RSU1: variants seen among roughly 807,000 people sequenced by gnomAD.
RSU1 encodes rsu-1.
In RSU1, 26 loss-of-function variants were observed where a neutral mutation model predicts 31.1. The observed-to-expected ratio is 0.84, with a 90% confidence interval of 0.61 to 1.16. RSU1 has a LOEUF of 1.16. Ranked by LOEUF, RSU1 falls within the 50% of genes most tolerant of loss-of-function variation. RSU1 has a pLI of 0.00. For synonymous variants in RSU1, 164 were observed against 136.3 expected (o/e 1.20, Z -1.41); for missense variants, 320 against 339.1 (o/e 0.94, Z 0.44).
chr10:16,634,021 G>A (rs1834303398), intron 8 of RSU1, among the ~76,000 whole-genome samples: 1 of 152,190 alleles, frequency 6.6e-6, no homozygotes, highest in Non-Finnish European at 1.5e-5. Flanking sequence ...CGTTCAATCT[G>A]TCTTTTCCAG....
chr10:16,624,234 A>G (rs770894040), intron 8 of RSU1, among the ~76,000 whole-genome samples: 41 of 152,234 alleles, frequency 2.7e-4, no homozygotes, highest in Admixed American at 3.9e-4. Context: ...AAGTGTGAAC[A>G]GAGTCAACAA....
intron 2 of RSU1, among the ~76,000 whole-genome samples, chr10:16,783,744 C>T (rs1837709850): frequency 2.0e-5 from 3 of 151,910 alleles, no homozygotes; most frequent in Admixed American, 6.6e-5. Context: ...ACCTGTTTTC[C>T]CAGCTTGAAC....
chr10:16,655,552 T>C (rs1288370889), intron 8 of RSU1, among the ~76,000 whole-genome samples: 1 of 152,234 alleles, frequency 6.6e-6, no homozygotes, highest in Non-Finnish European at 1.5e-5. Flanking sequence ...ACAATTTGCA[T>C]ATGTATGCAG....
intron 4 of RSU1, among the ~76,000 whole-genome samples, chr10:16,761,119 A>G (rs1186409572): frequency 1.3e-5 from 2 of 151,828 alleles, no homozygotes; most frequent in Non-Finnish European, 2.9e-5. Flanking sequence ...ATTTTTGTAT[A>G]TTTAGTAGAG....
At chr10:16,787,561 CAT>C (rs1402102970) in intron 2 of RSU1, among the ~76,000 whole-genome samples, 2 of 152,192 alleles carry the variant, frequency 1.3e-5, no homozygotes, top group African/African-American at 4.8e-5. Context: ...ATAATCCCCA[CAT>C]GTCAAGGGCG....
chr10:16,727,516 G>A (rs1044447895), intron 7 of RSU1, among the ~76,000 whole-genome samples: 2 of 152,020 alleles, frequency 1.3e-5, no homozygotes, highest in South Asian at 4.2e-4. Flanking sequence ...AGGTAACAAC[G>A]GCTGGAATTT....
chr10:16,709,824 C>T (rs570959532), intron 7 of RSU1, among the ~76,000 whole-genome samples: 1 of 152,094 alleles, frequency 6.6e-6, no homozygotes, highest in Non-Finnish European at 1.5e-5. Context: ...ATATCCTTTG[C>T]CCACTTTTTG....
chr10:16,776,793 A>G (rs900770870), intron 3 of RSU1, among the ~76,000 whole-genome samples: 5 of 148,196 alleles, frequency 3.4e-5, no homozygotes, highest in African/African-American at 1.3e-4. Flanking sequence ...CTCAACACAC[A>G]TGGGTCACAA....
chr10:16,691,404 A>G (rs1835546916), intron 8 of RSU1, among the ~76,000 whole-genome samples: 1 of 144,542 alleles, frequency 6.9e-6, no homozygotes. Flanking sequence ...TTAATGATTA[A>G]GAGTTTGACT....
At chr10:16,627,776 A>G (rs1242466876) in intron 8 of RSU1, among the ~76,000 whole-genome samples, 2 of 151,864 alleles carry the variant, frequency 1.3e-5, no homozygotes, top group Non-Finnish European at 2.9e-5. Flanking sequence ...AAAAAAAAAA[A>G]AAAAAAGAAG....
chr10:16,697,956 C>A (rs987993483), intron 7 of RSU1, among the ~76,000 whole-genome samples: 1 of 129,916 alleles, frequency 7.7e-6, no homozygotes. Context: ...CTTTTAACAT[C>A]TGGTTCAGAG....
At chr10:16,651,562 GAC>G (rs1203821019) in intron 8 of RSU1, among the ~76,000 whole-genome samples, 3 of 152,202 alleles carry the variant, frequency 2.0e-5, no homozygotes, top group African/African-American at 7.2e-5. Context: ...AGCAAATAGT[GAC>G]AGTTTCTTTT....
chr10:16,683,611 C>G (rs966754032), intron 8 of RSU1, among the ~76,000 whole-genome samples: 1 of 152,044 alleles, frequency 6.6e-6, no homozygotes, highest in South Asian at 2.1e-4. Context: ...TGTTGAAGTC[C>G]TAACCTCCTA....
chr10:16,661,396 C>T (rs932775380), intron 8 of RSU1, among the ~76,000 whole-genome samples: 1 of 150,542 alleles, frequency 6.6e-6, no homozygotes, highest in Non-Finnish European at 1.5e-5. Context: ...TTTGTTAATG[C>T]TTTGCTCCAG....
rs556778361 is a variant in RSU1 at position 16,726,570 on chromosome 10, C to T, written c.598+25969G>A. ...GTGAGCCACTGCGCCCGGCCAAGAA[C>T]GTATCTTGAATGATGGTCACCAAAA... On this transcript the variant is annotated intron_variant, in intron 7 of 8. Coordinates refer to ENST00000345264, the MANE Select transcript of RSU1 (RefSeq NM_012425.4). Among the ~76,000 whole-genome samples, 8 of 152,140 alleles carry T rather than the reference C, an allele frequency of 5.3e-5. No individual in the cohort carries two copies. In the South Asian group the frequency reaches 8.3e-4, roughly 16 times the overall value.
chr10:16,736,664 G>C (rs1382511183), intron 7 of RSU1, among the ~76,000 whole-genome samples: 2 of 151,850 alleles, frequency 1.3e-5, no homozygotes. Context: ...CAGAAAACTA[G>C]ACATTCAGAG....
At chr10:16,803,340 G>C (rs1838197648) in intron 2 of RSU1, among the ~76,000 whole-genome samples, 1 of 152,138 alleles carries the variant, frequency 6.6e-6, no homozygotes, top group Non-Finnish European at 1.5e-5. Context: ...TTCAAAGCTA[G>C]TATGGAAGAA....
intron 8 of RSU1, among the ~76,000 whole-genome samples, chr10:16,635,455 C>T (rs896241887): frequency 1.3e-5 from 2 of 152,222 alleles, no homozygotes; most frequent in Non-Finnish European, 2.9e-5. Flanking sequence ...CCAAAGAGAA[C>T]TTCTGTCTGG....
rs1420530317 is a variant in RSU1 at position 16,817,168 on chromosome 10, G to A, written c.-3-84C>T. The A allele has an allele frequency of 6.3e-6, 6 of 953,196 alleles. No homozygotes were observed. The East Asian group carries it at 1.3e-4, about 21-fold the overall frequency. 59.0% of individuals were successfully genotyped at this position (953,196 alleles called of 1,614,324 possible). A position where few individuals can be genotyped will look rare whatever the true frequency, so the allele number is the denominator to read the frequency against. On this transcript the variant is annotated intron_variant, in intron 1 of 8. Transcript: ENST00000345264. ...CAAGAGGCCTTCGCTGCCACTCTGA[G>A]GCTTCCCCAGGGTTGGAGCGGGTGG...
Sources: allele counts gnomAD v4.1 joint callset (sites outside exome capture counted in the v4.1 genomes callset), GRCh38; gene constraint gnomAD v4.1.1; transcripts MANE v1.5; gene names NCBI Gene and HGNC (gene_info 2026-07-23, HGNC 2026-07-21).